EEIG1: variants seen among roughly 807,000 people sequenced by gnomAD.
The protein encoded by EEIG1 is early estrogen-induced gene 1 protein.
At chr9:127,959,079 T>C in the EEIG1 span, among the ~76,000 whole-genome samples, 2 of 152,234 alleles carry the variant, frequency 1.3e-5, no homozygotes, top group Admixed American at 1.3e-4. Context: ...GCAGCCCCTT[T>C]GGAAAACAGT....
the EEIG1 span, among the ~76,000 whole-genome samples, chr9:127,947,621 A>T: frequency 6.6e-6 from 1 of 152,114 alleles, no homozygotes; most frequent in Non-Finnish European, 1.5e-5. Flanking sequence ...TATGTGGGAG[A>T]GCAAGAGCTC....
the EEIG1 span, among the ~76,000 whole-genome samples, chr9:127,958,074 AT>A: frequency 6.6e-6 from 1 of 152,202 alleles, no homozygotes; most frequent in Non-Finnish European, 1.5e-5. Flanking sequence ...TGCCAAAATA[AT>A]TCAGTGGGAA....
chr9:127,967,977 CTTTTTTT>C, the EEIG1 span, among the ~76,000 whole-genome samples: 4 of 99,264 alleles, frequency 4.0e-5, no homozygotes, highest in Non-Finnish European at 4.2e-5. Flanking sequence ...TTCCCCAGGT[CTTTTTTT>C]TTTTTTTTTT....
At chr9:127,944,989 G>A in the EEIG1 span, 1 of 1,466,524 alleles carries the variant, frequency 6.8e-7, no homozygotes, top group Non-Finnish European at 9.3e-7. Context: ...GTCAGCCGCA[G>A]CGGCGCTCAG....
the EEIG1 span, among the ~76,000 whole-genome samples, chr9:127,969,527 C>G: frequency 6.6e-6 from 1 of 152,114 alleles, no homozygotes; most frequent in Non-Finnish European, 1.5e-5. Context: ...CCCATTTCAC[C>G]CAAGCATCAA....
the EEIG1 span, chr9:127,947,930 A>T: frequency 2.1e-6 from 2 of 967,694 alleles, no homozygotes; most frequent in African/African-American, 3.3e-5. Context: ...ATCAGGTCTC[A>T]TCAGCCCAGC....
chr9:127,957,878 T>C, the EEIG1 span, among the ~76,000 whole-genome samples: 1 of 152,322 alleles, frequency 6.6e-6, no homozygotes, highest in South Asian at 2.1e-4. Context: ...CTAGGCATGA[T>C]GGCATGTGCC....
the EEIG1 span, among the ~76,000 whole-genome samples, chr9:127,977,212 C>G: frequency 4.5e-4 from 68 of 152,346 alleles, no homozygotes; most frequent in African/African-American, 1.6e-3. Flanking sequence ...TTCCTCCCTC[C>G]TCAGCCCCAT....
chr9:127,966,850 C>T, the EEIG1 span, among the ~76,000 whole-genome samples: 1 of 152,212 alleles, frequency 6.6e-6, no homozygotes, highest in Non-Finnish European at 1.5e-5. Context: ...TCCAGGCAGT[C>T]GCTGCAGGTC....
At chr9:127,953,789 G>A in the EEIG1 span, 1 of 1,613,862 alleles carries the variant, frequency 6.2e-7, no homozygotes, top group Non-Finnish European at 8.5e-7. Flanking sequence ...AGCCCCACAT[G>A]CGCCCTTGGC....
the EEIG1 span, among the ~76,000 whole-genome samples, chr9:127,952,782 G>A: frequency 3.9e-5 from 6 of 152,012 alleles, no homozygotes; most frequent in Non-Finnish European, 7.4e-5. Context: ...GCGCAATCTC[G>A]GCTCTCTGTA....
At chr9:127,954,757 G>A in the EEIG1 span, among the ~76,000 whole-genome samples, 2 of 152,208 alleles carry the variant, frequency 1.3e-5, no homozygotes, top group African/African-American at 2.4e-5. Flanking sequence ...CTCTGGGTGC[G>A]GAGACAGCGA....
chr9:127,980,186 G>C, the EEIG1 span: 3 of 1,580,500 alleles, frequency 1.9e-6, no homozygotes, highest in African/African-American at 1.4e-5. Flanking sequence ...AAGGTGGAGA[G>C]GGACGGGATT....
At chr9:127,945,243 C>T in the EEIG1 span, 13 of 821,598 alleles carry the variant, frequency 1.6e-5, no homozygotes, top group East Asian at 2.7e-5. The surrounding 1 kb of genome is among the most constrained non-coding windows in gnomAD (Gnocchi z 6.5). Flanking sequence ...CTAGTGGAAT[C>T]GTCACCACCC....
the EEIG1 span, among the ~76,000 whole-genome samples, chr9:127,953,022 C>A: frequency 8.5e-5 from 13 of 152,072 alleles, no homozygotes; most frequent in Non-Finnish European, 1.3e-4. Flanking sequence ...CAGCCGTACT[C>A]GGGAGGCTGA....
At chr9:127,960,345 G>A in the EEIG1 span, among the ~76,000 whole-genome samples, 1 of 152,198 alleles carries the variant, frequency 6.6e-6, no homozygotes, top group African/African-American at 2.4e-5. Context: ...GATGAGATGG[G>A]TGAAGGAGCA....
the EEIG1 span, among the ~76,000 whole-genome samples, chr9:127,945,111 TAAGTCAGCTTCCTA>T: frequency 2.0e-5 from 3 of 151,944 alleles, no homozygotes; most frequent in South Asian, 6.2e-4. This position sits in a 1 kb window ranked among gnomAD's most constrained non-coding sequence, Gnocchi z 6.5. Context: ...AATGAGCAGG[TAAGTCAGCTTCCTA>T]AGGCCACCTA....
At chr9:127,979,711 A>G in the EEIG1 span, among the ~76,000 whole-genome samples, 1 of 152,324 alleles carries the variant, frequency 6.6e-6, no homozygotes, top group East Asian at 1.9e-4. Context: ...CAAATCCCTG[A>G]TAGGCTGTAC....
the EEIG1 span, chr9:127,950,790 G>C: frequency 9.5e-7 from 1 of 1,051,972 alleles, no homozygotes; most frequent in Non-Finnish European, 1.2e-6. Flanking sequence ...CCACGTCCCG[G>C]CGTGCACCGG....
Sources: allele counts gnomAD v4.1 joint callset (sites outside exome capture counted in the v4.1 genomes callset), GRCh38; gene constraint gnomAD v4.1.1; non-coding constraint Gnocchi (gnomAD v3.1); transcripts MANE v1.5; gene names NCBI Gene and HGNC (gene_info 2026-07-23, HGNC 2026-07-21).